The following EOGT variants were observed in gnomAD, a reference collection of about 807,000 sequenced individuals.
EOGT encodes EGF domain-specific O-linked N-acetylglucosamine transferase.
EOGT carries 55 observed loss-of-function variants against 70.5 expected under a neutral mutation model. That is an observed-to-expected ratio of 0.78 (90% CI 0.63 to 0.98). The LOEUF is 0.98. EOGT is among the 50% of genes least tolerant of loss of function. EOGT has a pLI of 0.00. For synonymous variants in EOGT, 246 were observed against 217.1 expected (o/e 1.13, Z -1.17); for missense variants, 703 against 641.9 (o/e 1.10, Z -1.03).
intron 5 of EOGT, 72 bp downstream of exon 5, chr3:69,008,356 G>T: frequency 9.5e-7 from 1 of 1,050,752 alleles, no homozygotes; most frequent in South Asian, 1.4e-5. Flanking sequence ...AATCTAGCTG[G>T]AAATTAGGGC....
chr3:68,989,171 T>C (rs1459131336), intron 10 of EOGT, among the ~76,000 whole-genome samples, 154 bp from the exon 11 acceptor site: 1 of 152,228 alleles, frequency 6.6e-6, no homozygotes, highest in Non-Finnish European at 1.5e-5. Context: ...ATCTTCATCT[T>C]GGGCCAGAGC....
chr3:69,001,083 A>C (rs772287329), intron 9 of EOGT, among the ~76,000 whole-genome samples: 14 of 151,490 alleles, frequency 9.2e-5, no homozygotes, highest in Non-Finnish European at 1.5e-4. Context: ...CAACCTCCCG[A>C]GTAGCTGGGA....
At chr3:69,006,788 C>T (rs539803352) in intron 6 of EOGT, among the ~76,000 whole-genome samples, 11 of 152,178 alleles carry the variant, frequency 7.2e-5, no homozygotes, top group East Asian at 1.9e-4. Context: ...CACTGAGGTA[C>T]GATATGGTAT....
At chr3:69,003,747 T>C (rs1165935926) in intron 8 of EOGT, among the ~76,000 whole-genome samples, 4 of 152,154 alleles carry the variant, frequency 2.6e-5, no homozygotes, top group Admixed American at 1.3e-4. Flanking sequence ...GGGTAGAGCC[T>C]GGGAGGGAGA....
intron 14 of EOGT, among the ~76,000 whole-genome samples, chr3:68,984,629 T>G (rs2090752355): frequency 6.6e-6 from 1 of 152,132 alleles, no homozygotes; most frequent in Non-Finnish European, 1.5e-5. Context: ...TCTAGTAACA[T>G]CCAATCCTCA....
At position 69,004,351 on chromosome 3, in the gene EOGT, G is replaced by A. The variant is rs181373917; in HGVS notation, c.620+27C>T. 2.2e-4 allele frequency: 343 copies of A among 1,549,640 alleles called. 2 individuals carry two copies. In the East Asian group the frequency reaches 6.1e-3, roughly 28 times the overall value. ...GCCGTAAATAAAGGCAAATATTTCC[G>A]AAACAGATACGTTAAAAATATCTTA... On this transcript the variant is annotated intron_variant, in intron 8 of 17. Coordinates refer to ENST00000383701, the MANE Select transcript of EOGT (RefSeq NM_001278689.2).
chr3:69,003,143 C>T (rs1450119668), intron 8 of EOGT, among the ~76,000 whole-genome samples: 1 of 152,100 alleles, frequency 6.6e-6, no homozygotes, highest in African/African-American at 2.4e-5. Flanking sequence ...CGCACCTACA[C>T]AAGTGATAAA....
intron 10 of EOGT, among the ~76,000 whole-genome samples, chr3:68,993,851 A>C (rs1384573459): frequency 6.6e-6 from 1 of 152,166 alleles, no homozygotes; most frequent in Non-Finnish European, 1.5e-5. Flanking sequence ...GCAAAAGTGG[A>C]AACCCTAGAT....
chr3:68,992,076 G>A (rs1443864588), intron 10 of EOGT, among the ~76,000 whole-genome samples: 1 of 152,078 alleles, frequency 6.6e-6, no homozygotes, highest in African/African-American at 2.4e-5. Context: ...GAAATTTGGT[G>A]GGGACACAGC....
At chr3:69,004,015 G>T (rs2091371826) in intron 8 of EOGT, among the ~76,000 whole-genome samples, 1 of 152,150 alleles carries the variant, frequency 6.6e-6, no homozygotes, top group Admixed American at 6.5e-5. Context: ...TGAGATTATA[G>T]GCATGAGCCA....
At chr3:68,988,253 G>GA (rs2090873460) in intron 13 of EOGT, 42 bp downstream of exon 13, 3 of 1,333,768 alleles carry the variant, frequency 2.2e-6, no homozygotes. Context: ...TATTAGGGAA[G>GA]AAAACTCAAG....
In EOGT at chr3:68,976,716, C is replaced by A. The variant is rs2090482367; in HGVS notation, c.*902G>T. The A allele has an allele frequency of 6.6e-6, 1 of 151,058 alleles. No individual in the cohort carries two copies. Among genetic ancestry groups the A allele is most frequent in the African/African-American group, 2.4e-5 (1 of 40,826 alleles). The allele number at this position is 151,058 out of a possible 1,614,324, so 9.4% of individuals were successfully genotyped here. ...TTCCTACCACAAACAGTGTTATAAC[C>A]AGATTATGGCAAATAAAAGAACAGT... On this transcript the variant is annotated 3_prime_UTR_variant, in exon 18 of 18. Coordinates refer to ENST00000383701, the MANE Select transcript of EOGT (RefSeq NM_001278689.2).
In EOGT at chr3:69,004,459, C is replaced by A. The variant is rs2091387217; in HGVS notation, c.539G>T (p.Ser180Ile). The A allele has an allele frequency of 6.2e-7, 1 of 1,613,942 alleles. No individual in the cohort carries two copies. Among genetic ancestry groups the A allele is most frequent in the Non-Finnish European group, 8.5e-7 (1 of 1,179,840 alleles). Residue 180 changes from serine to isoleucine, a missense_variant, in exon 8 of 18, where the codon AGT (serine) becomes ATT (isoleucine). Ser to Ile is a moderately radical substitution (Grantham distance 142). Coordinates refer to ENST00000383701, the MANE Select transcript of EOGT (RefSeq NM_001278689.2). The part of the protein sequence containing the change: ...HDRFKEDFFQ[S>I]GEIGGHCKLD... ...TTTACAGTGCCCTCCAATTTCACCA[C>A]TCTGGAAAAAGTCCTCCTTAAATCT...
chr3:69,004,077 A>C (rs1267044982), intron 8 of EOGT, among the ~76,000 whole-genome samples: 1 of 152,206 alleles, frequency 6.6e-6, no homozygotes, highest in African/African-American at 2.4e-5. Flanking sequence ...ACATTATGTA[A>C]GTAACCTATG....
intron 10 of EOGT, among the ~76,000 whole-genome samples, chr3:68,991,819 T>TA (rs2091002925): frequency 6.6e-6 from 1 of 152,204 alleles, no homozygotes; most frequent in Admixed American, 6.5e-5. Flanking sequence ...TAACTGGACT[T>TA]ACAGTTCCAC....
At chr3:68,990,348 C>CTTTTTTTT (rs56046605) in intron 10 of EOGT, among the ~76,000 whole-genome samples, 3 of 107,890 alleles carry the variant, frequency 2.8e-5, no homozygotes, top group Non-Finnish European at 5.5e-5. Context: ...TTACCACATG[C>CTTTTTTTT]TTTTTTTTTT....
At chr3:68,987,791 G>A in intron 13 of EOGT, 1 of 477,230 alleles carries the variant, frequency 2.1e-6, no homozygotes, top group African/African-American at 2.0e-5. Context: ...CATTTGGGGA[G>A]GTGAGGGAGA....
chr3:68,978,141 T>C (rs2090524662), intron 17 of EOGT, among the ~76,000 whole-genome samples, 192 bp downstream of exon 17: 1 of 152,252 alleles, frequency 6.6e-6, no homozygotes, highest in South Asian at 2.1e-4. Context: ...GCTGCCTTTG[T>C]AACATTAAAG....
Position 68,979,795 on chromosome 3 carries a change from C to G in EOGT, c.1215-8G>C. Reference sequence around the variant, plus strand: ...TCTAAAAACCCAAGTTCTCTGTGAACATACAGAATAACATGAGAGAGATGG... The same window carrying G: ...TCTAAAAACCCAAGTTCTCTGTGAAGATACAGAATAACATGAGAGAGATGG... On this transcript the variant is annotated splice_region_variant and splice_polypyrimidine_tract_variant and intron_variant, in intron 15 of 17. Coordinates refer to ENST00000383701, the MANE Select transcript of EOGT (RefSeq NM_001278689.2). The G allele has an allele frequency of 3.1e-6, 5 of 1,612,192 alleles. No individual in the cohort carries two copies. The highest frequency in any genetic ancestry group is 3.4e-6 in the Non-Finnish European group (4 of 1,178,642).
Sources: gnomAD v4.1 joint callset for allele counts (sites outside exome capture counted in the v4.1 genomes callset) on GRCh38, gnomAD v4.1.1 for gene constraint, MANE v1.5 for transcripts, NCBI Gene and HGNC (gene_info 2026-07-23, HGNC 2026-07-21) for gene names.